PUM1: variants seen among roughly 807,000 people sequenced by gnomAD.
The protein encoded by PUM1 is pumilio RNA binding family member 1.
Under a neutral mutation model 131.8 loss-of-function variants are expected in PUM1, and 13 were observed. That is an observed-to-expected ratio of 0.10 (90% CI 0.06 to 0.16). The LOEUF (loss-of-function observed/expected upper bound fraction) is 0.16, where lower values mean the gene tolerates loss of function less well. Among genes scored for constraint, PUM1 ranks in the 10% least tolerant of loss-of-function variants. The pLI, the probability that PUM1 is intolerant of heterozygous loss-of-function variation, is 1.00. For missense variants in PUM1, 961 were observed against 1,512.4 expected, an observed-to-expected ratio of 0.64 and a Z score of 6.05; for synonymous variants, 509 against 556.5, an observed-to-expected ratio of 0.91 and a Z score of 1.20.
At chr1:30,951,271 A>G (rs191348362) in intron 16 of PUM1, among the ~76,000 whole-genome samples, 41 of 152,314 alleles carry the variant, frequency 2.7e-4, no homozygotes, top group African/African-American at 8.7e-4. Flanking sequence ...GTATTTTTAT[A>G]TATGTGACAA....
intron 17 of PUM1, among the ~76,000 whole-genome samples, chr1:30,947,884 T>C (rs1275778919): frequency 1.3e-5 from 2 of 151,876 alleles, no homozygotes; most frequent in Non-Finnish European, 2.9e-5. Flanking sequence ...TTTTTTTTTT[T>C]TTTTTTTGAA....
chr1:30,973,807 T>C (rs917580851), intron 10 of PUM1, among the ~76,000 whole-genome samples: 6 of 152,136 alleles, frequency 3.9e-5, no homozygotes, highest in South Asian at 4.1e-4. Context: ...AGAGGTGTTA[T>C]TGGCCAGGCA....
chr1:31,056,605 T>TTTTCTTTTC (rs1336632461), intron 2 of PUM1, among the ~76,000 whole-genome samples: 23 of 101,368 alleles, frequency 2.3e-4, no homozygotes, highest in Non-Finnish European at 2.7e-4. Flanking sequence ...CTTCCTTTTC[T>TTTTCTTTTC]TTTCTTTTTT....
chr1:31,062,927 T>C (rs191689136), intron 1 of PUM1, among the ~76,000 whole-genome samples: 312 of 152,336 alleles, frequency 2.0e-3, no homozygotes, highest in Admixed American at 5.3e-3. Context: ...AATTTGGAAA[T>C]GCCTAGTCTA....
chr1:31,054,153 T>C (rs1053921731), intron 2 of PUM1, among the ~76,000 whole-genome samples: 1 of 122,378 alleles, frequency 8.2e-6, no homozygotes. Context: ...ATGGCAAAAC[T>C]CCACCTCTAC....
chr1:31,051,990 T>A (rs1644119985), intron 2 of PUM1, among the ~76,000 whole-genome samples: 1 of 152,118 alleles, frequency 6.6e-6, no homozygotes, highest in African/African-American at 2.4e-5. Context: ...TCTAAAGGTA[T>A]AAAAATTACT....
chr1:30,942,157 A>G, intron 18 of PUM1, 34 bp from the exon 19 acceptor site: 1 of 1,432,004 alleles, frequency 7.0e-7, no homozygotes, highest in Non-Finnish European at 9.3e-7. Flanking sequence ...AGAAGCAAAA[A>G]TGACAGTCAC....
intron 14 of PUM1, among the ~76,000 whole-genome samples, chr1:30,964,089 T>C (rs1640527552): frequency 6.6e-6 from 1 of 152,170 alleles, no homozygotes; most frequent in African/African-American, 2.4e-5. Context: ...ATCTAGATGG[T>C]AATATTTTAA....
At position 31,006,986 on chromosome 1, in the gene PUM1, T is replaced by C. The variant is rs761511820; in HGVS notation, c.541+8A>G. 3.1e-6 allele frequency: 5 copies of C among 1,603,658 alleles called. No homozygotes were observed. In the East Asian group the frequency reaches 6.7e-5, roughly 21 times the overall value. ...TAAATCACAGTACAGATGCTAGATC[T>C]AGATTACCTGATGTTCCCCAGGCAC... On this transcript the variant is annotated splice_region_variant and intron_variant, in intron 4 of 21. Coordinates refer to ENST00000426105, the MANE Select transcript of PUM1 (RefSeq NM_001020658.2).
chr1:30,956,539 C>T (rs1640173558), intron 14 of PUM1, among the ~76,000 whole-genome samples: 1 of 152,188 alleles, frequency 6.6e-6, no homozygotes, highest in East Asian at 1.9e-4. Flanking sequence ...GCTGGGATTA[C>T]AGGCATGAGC....
chr1:30,992,222 GCT>G (rs1399613340), intron 7 of PUM1, among the ~76,000 whole-genome samples, 166 bp downstream of exon 7: 2 of 152,180 alleles, frequency 1.3e-5, no homozygotes, highest in Non-Finnish European at 2.9e-5. Context: ...ATAGGGACCA[GCT>G]TCATGAGGGG....
chr1:30,990,351 A>G (rs1641740182), intron 7 of PUM1, among the ~76,000 whole-genome samples: 1 of 152,226 alleles, frequency 6.6e-6, no homozygotes, highest in South Asian at 2.1e-4. Context: ...CTCTTAAAGG[A>G]AACACAAAAT....
At position 31,063,681 on chromosome 1, in the gene PUM1, T is replaced by C. The variant is rs138544515; in HGVS notation, c.-12+1935A>G. ...TCCACATAAAAGAGGAGTTTATCAC[T>C]GACGCACACTAAACACACCTTCATT... On this transcript the variant is annotated intron_variant, in intron 1 of 21. Coordinates refer to ENST00000426105, the MANE Select transcript of PUM1 (RefSeq NM_001020658.2). Among the ~76,000 whole-genome samples, 461 of 152,320 alleles carry C rather than the reference T, an allele frequency of 3.0e-3. 1 individual carries two copies. The highest frequency in any genetic ancestry group is 0.01 in the Middle Eastern group (3 of 294).
At chr1:31,039,721 T>C (rs1266724975) in intron 2 of PUM1, among the ~76,000 whole-genome samples, 1 of 151,788 alleles carries the variant, frequency 6.6e-6, no homozygotes, top group African/African-American at 2.4e-5. Flanking sequence ...GCTGACATGG[T>C]AAAACCCCGT....
chr1:31,036,866 C>T (rs1643629243), intron 2 of PUM1: 2 of 153,534 alleles, frequency 1.3e-5, no homozygotes, highest in African/African-American at 2.4e-5. Flanking sequence ...TGTCTGATAG[C>T]TATAATGAAG....
chr1:31,008,462 C>T (rs1386520094), intron 3 of PUM1, among the ~76,000 whole-genome samples: 1 of 151,820 alleles, frequency 6.6e-6, no homozygotes, highest in Non-Finnish European at 1.5e-5. Context: ...TGAAAATGAA[C>T]AGTTATAAGT....
At chr1:31,012,004 C>G (rs1342848125) in intron 3 of PUM1, among the ~76,000 whole-genome samples, 2 of 152,116 alleles carry the variant, frequency 1.3e-5, no homozygotes, top group African/African-American at 2.4e-5. Flanking sequence ...ATATGATGCA[C>G]AAAGAAGCCT....
chr1:31,056,738 C>T (rs1372593677), intron 2 of PUM1, among the ~76,000 whole-genome samples: 1 of 148,062 alleles, frequency 6.8e-6, no homozygotes, highest in Non-Finnish European at 1.5e-5. Flanking sequence ...GCAATCCTTC[C>T]ACCTCAGGCT....
chr1:30,962,601 G>A (rs191632231), intron 14 of PUM1, among the ~76,000 whole-genome samples: 244 of 152,060 alleles, frequency 1.6e-3, no homozygotes, highest in African/African-American at 5.6e-3. Context: ...TGGTAGAGGC[G>A]GGGCTTCACT....
Sources: allele counts gnomAD v4.1 joint callset (sites outside exome capture counted in the v4.1 genomes callset), GRCh38; gene constraint gnomAD v4.1.1; transcripts MANE v1.5; gene names NCBI Gene and HGNC (gene_info 2026-07-23, HGNC 2026-07-21).